Variants in DGKB observed in about 807,000 individuals in gnomAD.
The protein encoded by DGKB is diacylglycerol kinase beta, also known as 90 kDa diacylglycerol kinase.
Under a neutral mutation model 114.3 loss-of-function variants are expected in DGKB, and 67 were observed. The observed-to-expected ratio is 0.59, with a 90% confidence interval of 0.48 to 0.72. The LOEUF (loss-of-function observed/expected upper bound fraction) is 0.72. Among genes scored for constraint, DGKB ranks in the 30% least tolerant of loss-of-function variants. The pLI is 0.00. For missense variants in DGKB, 907 were observed against 975.2 expected (o/e 0.93, Z 0.93); for synonymous variants, 398 against 323.1 (o/e 1.23, Z -2.49).
intron 21 of DGKB, among the ~76,000 whole-genome samples, chr7:14,427,519 G>C (rs1184143033): frequency 6.6e-6 from 1 of 151,962 alleles, no homozygotes; most frequent in Non-Finnish European, 1.5e-5. Context: ...CCACTCTACT[G>C]GTACTAATTT....
intron 23 of DGKB, among the ~76,000 whole-genome samples, chr7:14,292,180 G>A (rs1342416886): frequency 1.3e-5 from 2 of 152,128 alleles, no homozygotes; most frequent in Non-Finnish European, 2.9e-5. Context: ...AAATTTTAAG[G>A]TTTAAATTCA....
chr7:14,253,296 T>C (rs1054149359), intron 23 of DGKB, among the ~76,000 whole-genome samples: 2 of 152,040 alleles, frequency 1.3e-5, no homozygotes, highest in African/African-American at 2.4e-5. Flanking sequence ...GCCTCCTAAA[T>C]GCTGGGATTA....
At chr7:14,826,673 A>G (rs1055061233) in intron 2 of DGKB, among the ~76,000 whole-genome samples, 5 of 152,162 alleles carry the variant, frequency 3.3e-5, no homozygotes, top group African/African-American at 1.2e-4. Context: ...GACCTTAGGC[A>G]AATAAATTAT....
At chr7:14,554,436 A>G (rs1406569044) in intron 20 of DGKB, among the ~76,000 whole-genome samples, 1 of 152,162 alleles carries the variant, frequency 6.6e-6, no homozygotes, top group Non-Finnish European at 1.5e-5. Flanking sequence ...TCAAATTGAT[A>G]AATTTTTAGG....
At position 14,668,618 on chromosome 7, in the gene DGKB, C is replaced by T. The variant is rs76260481; in HGVS notation, c.1134+4311G>A. ...TATATTGTGTTACTTATAACCATAC[C>T]CCTTCATAATCTCAATTCCTACCTC... On this transcript the variant is annotated intron_variant, in intron 13 of 25. Transcript: ENST00000402815. 3.3e-5 allele frequency among the ~76,000 whole-genome samples: 5 copies of T among 151,568 alleles called. No homozygotes were observed. In the East Asian group the frequency reaches 9.7e-4, roughly 29 times the overall value.
intron 2 of DGKB, among the ~76,000 whole-genome samples, chr7:14,763,482 G>A (rs916666013): frequency 6.6e-6 from 1 of 151,972 alleles, no homozygotes; most frequent in African/African-American, 2.4e-5. Flanking sequence ...CAAAGTTAAG[G>A]AAATTATTAC....
chr7:14,603,094 T>A (rs1192765837), intron 17 of DGKB, among the ~76,000 whole-genome samples: 1 of 152,186 alleles, frequency 6.6e-6, no homozygotes, highest in Non-Finnish European at 1.5e-5. Flanking sequence ...TATGTGACCT[T>A]ATTCATTGTG....
chr7:14,814,671 A>C (rs890650377), intron 2 of DGKB, among the ~76,000 whole-genome samples: 4 of 152,178 alleles, frequency 2.6e-5, no homozygotes, highest in Admixed American at 6.6e-5. Flanking sequence ...TTCAACTGAC[A>C]AACGTTATTT....
chr7:14,629,876 T>G (rs1465214045), intron 14 of DGKB, among the ~76,000 whole-genome samples: 1 of 152,060 alleles, frequency 6.6e-6, no homozygotes, highest in East Asian at 1.9e-4. Flanking sequence ...AAAGAATAAA[T>G]TCTTTTGGAT....
chr7:14,856,898 A>T (rs1850229109), intron 1 of DGKB, among the ~76,000 whole-genome samples: 1 of 152,152 alleles, frequency 6.6e-6, no homozygotes, highest in Non-Finnish European at 1.5e-5. Context: ...ATAAATGAGT[A>T]TGGGGAACAC....
chr7:14,248,304 A>G (rs1352592192), intron 23 of DGKB, among the ~76,000 whole-genome samples: 2 of 151,938 alleles, frequency 1.3e-5, no homozygotes, highest in Non-Finnish European at 2.9e-5. Flanking sequence ...TCAATATTCT[A>G]CTTGTACAAG....
intron 19 of DGKB, among the ~76,000 whole-genome samples, chr7:14,579,112 T>C (rs1168029895): frequency 1.3e-5 from 2 of 152,228 alleles, no homozygotes; most frequent in East Asian, 3.8e-4. Context: ...TATTATTCAT[T>C]CTTCTGATTC....
intron 23 of DGKB, among the ~76,000 whole-genome samples, chr7:14,195,108 G>A (rs1784836672): frequency 6.6e-6 from 1 of 152,170 alleles, no homozygotes; most frequent in Non-Finnish European, 1.5e-5. Flanking sequence ...AACTAGTGGT[G>A]AATATGAACA....
At chr7:14,491,622 A>G (rs777945967) in intron 20 of DGKB, among the ~76,000 whole-genome samples, 7 of 152,096 alleles carry the variant, frequency 4.6e-5, no homozygotes, top group Non-Finnish European at 7.4e-5. Flanking sequence ...AAGAACACAT[A>G]TTATTCAGAA....
chr7:14,658,319 A>T (rs533056119), intron 13 of DGKB, among the ~76,000 whole-genome samples: 18 of 151,990 alleles, frequency 1.2e-4, no homozygotes, highest in South Asian at 2.1e-4. Context: ...CCAAGCACAG[A>T]AAGATTAATA....
chr7:14,560,342 C>T (rs1306121717), intron 20 of DGKB, among the ~76,000 whole-genome samples: 2 of 152,052 alleles, frequency 1.3e-5, no homozygotes, highest in Non-Finnish European at 2.9e-5. Context: ...TTATTTATGT[C>T]CGTTGATTAA....
Position 14,621,452 on chromosome 7 carries a change from GC to G in DGKB, c.1209del (p.Gln403HisfsTer6), listed in dbSNP as rs1807629579. 16 of 1,610,600 alleles carry G rather than the reference GC, an allele frequency of 9.9e-6. No individual in the cohort carries two copies. The highest frequency in any genetic ancestry group is 1.3e-5 in the Non-Finnish European group (15 of 1,178,294). On this transcript the variant is annotated frameshift_variant, in exon 15 of 26. Transcript: ENST00000402815. LOFTEE classifies it high-confidence loss of function. ...STVKKEKSGSQQPNKVIDKNK... is the reference protein window; with the variant it reads ...STVKKEKSGSXQPNKVIDKNK... Reference sequence around the variant, plus strand: ...TTCTTGTCAATCACTTTGTTTGGCTGCTGGGAACCACTCTTTTCCTTTTTCA... The same window carrying G: ...TTCTTGTCAATCACTTTGTTTGGCTGTGGGAACCACTCTTTTCCTTTTTCA...
At chr7:14,524,413 C>G (rs552881992) in intron 20 of DGKB, among the ~76,000 whole-genome samples, 1 of 152,244 alleles carries the variant, frequency 6.6e-6, no homozygotes, top group African/African-American at 2.4e-5. Context: ...ATCTTCAAAC[C>G]CTGCTTACAC....
At chr7:14,640,050 T>C (rs1383905983) in intron 13 of DGKB, among the ~76,000 whole-genome samples, 1 of 152,052 alleles carries the variant, frequency 6.6e-6, no homozygotes, top group Non-Finnish European at 1.5e-5. Context: ...GGAAATAGAA[T>C]TGCACAGGAG....
Sources: allele counts gnomAD v4.1 joint callset (sites outside exome capture counted in the v4.1 genomes callset), GRCh38; gene constraint gnomAD v4.1.1; transcripts MANE v1.5; gene names NCBI Gene and HGNC (gene_info 2026-07-23, HGNC 2026-07-21).